TNRC6B: variants seen among roughly 807,000 people sequenced by gnomAD.
The protein encoded by TNRC6B is trinucleotide repeat containing adaptor 6B.
TNRC6B carries 52 observed loss-of-function variants against 203.6 expected under a neutral mutation model. That is an observed-to-expected ratio of 0.26 (90% CI 0.20 to 0.32). The LOEUF (loss-of-function observed/expected upper bound fraction) is 0.32. Among genes scored for constraint, TNRC6B ranks in the 10% least tolerant of loss-of-function variants. TNRC6B has a pLI of 1.00. For missense variants in TNRC6B, 1,923 were observed against 2,286.2 expected (o/e 0.84, Z 3.24); for synonymous variants, 838 against 845.7 (o/e 0.99, Z 0.16).
intron 1 of TNRC6B, among the ~76,000 whole-genome samples, chr22:40,048,676 AC>A (rs2067716303): frequency 6.6e-6 from 1 of 152,052 alleles, no homozygotes; most frequent in African/African-American, 2.4e-5. Context: ...AGTAATATTG[AC>A]TTTTTATGTG....
chr22:40,113,241 G>A (rs1385070210), intron 1 of TNRC6B, among the ~76,000 whole-genome samples: 2 of 152,260 alleles, frequency 1.3e-5, no homozygotes, highest in Admixed American at 6.5e-5. Flanking sequence ...AAGCGTTGAA[G>A]TGAAGTAGGG....
chr22:40,329,915 A>C lies in TNRC6B; in HGVS notation c.*6674A>C, dbSNP rs750746127. ...TAACAAGAAACTGTACATGGCCAGG[A>C]AAAATGGTACTACCTTGGCCAAAGG... is the stretch of plus-strand genomic sequence containing the variant. On this transcript the variant is annotated 3_prime_UTR_variant, in exon 23 of 23. Coordinates refer to ENST00000454349, the MANE Select transcript of TNRC6B (RefSeq NM_001162501.2). 2.0e-5 allele frequency: 3 copies of C among 152,226 alleles called. No individual in the cohort carries two copies. The highest frequency in any genetic ancestry group is 4.4e-5 in the Non-Finnish European group (3 of 68,036). The allele number at this position is 152,226 out of a possible 1,614,324, so 9.4% of individuals were successfully genotyped here.
intron 1 of TNRC6B, among the ~76,000 whole-genome samples, chr22:40,113,748 A>C (rs1245032759): frequency 6.6e-6 from 1 of 152,132 alleles, no homozygotes; most frequent in Non-Finnish European, 1.5e-5. Context: ...ACAGAGCTGG[A>C]TGGGTGGTAC....
chr22:40,232,048 G>C (rs1049970182), intron 1 of TNRC6B, among the ~76,000 whole-genome samples: 3 of 152,196 alleles, frequency 2.0e-5, no homozygotes, highest in Non-Finnish European at 2.9e-5. Context: ...GAGAGGTGGT[G>C]ATGGCAGTTT....
intron 1 of TNRC6B, among the ~76,000 whole-genome samples, chr22:40,220,134 A>G (rs2069688647): frequency 6.6e-6 from 1 of 152,146 alleles, no homozygotes; most frequent in Non-Finnish European, 1.5e-5. Context: ...TCTAGGCAGC[A>G]TTTCAGTGTG....
chr22:40,128,742 C>T (rs1053897338), intron 3 of TNRC6B, among the ~76,000 whole-genome samples: 1 of 151,488 alleles, frequency 6.6e-6, no homozygotes. Context: ...AGGCTGGTCT[C>T]GAACTTCTGG....
rs991037446 is a variant in TNRC6B at position 40,329,666 on chromosome 22, C to A, written c.*6425C>A. 2.6e-5 allele frequency: 4 copies of A among 152,186 alleles called. No homozygotes were observed. The highest frequency in any genetic ancestry group is 5.9e-5 in the Non-Finnish European group (4 of 68,042). 9.4% of individuals were successfully genotyped at this position (152,186 alleles called of 1,614,324 possible). ...AGGGAGTGGAGAGCTACTCCTCCAG[C>A]AGCTCAGCACCCACACTGCCCGCAT... On this transcript the variant is annotated 3_prime_UTR_variant, in exon 23 of 23. Transcript: ENST00000454349.
rs1276200014 is a variant in TNRC6B, at chr22:40,266,977, G to A, written c.2747G>A (p.Gly916Glu). The change falls in exon 5 of 23, where the codon GGG becomes GAG. Residue 916 changes from glycine to glutamate, a missense_variant. By Grantham distance (98) the Gly-to-Glu change is moderately conservative. Coordinates refer to ENST00000454349, the MANE Select transcript of TNRC6B (RefSeq NM_001162501.2). ...NVNLWDKNSQ[G>E]GPAPREPNLP... The stretch of plus-strand genomic sequence containing the variant: ...AATCTGTGGGATAAGAATTCCCAAG[G>A]GGGCCCAGCACCTCGAGAACCAAAC... The A allele has an allele frequency of 1.2e-6, 2 of 1,612,644 alleles. No homozygotes were observed. Among genetic ancestry groups the A allele is most frequent in the African/African-American group, 2.7e-5 (2 of 74,900 alleles).
intron 4 of TNRC6B, among the ~76,000 whole-genome samples, chr22:40,159,002 G>A (rs763366976): frequency 1.3e-5 from 2 of 151,562 alleles, no homozygotes; most frequent in South Asian, 2.1e-4. Flanking sequence ...TCGCTCTGTC[G>A]CCCAGGCTGG....
intron 3 of TNRC6B, among the ~76,000 whole-genome samples, chr22:40,133,772 C>A (rs2146331788): frequency 6.6e-6 from 1 of 151,816 alleles, no homozygotes; most frequent in East Asian, 1.9e-4. Context: ...AGTTCGAGAC[C>A]AGCCTGACCG....
chr22:40,182,452 G>A (rs993321077), intron 1 of TNRC6B, among the ~76,000 whole-genome samples: 3 of 152,156 alleles, frequency 2.0e-5, no homozygotes, highest in East Asian at 1.9e-4. Flanking sequence ...TGATTAAGAC[G>A]GGTGTCAGGG....
chr22:40,278,612 C>T (rs1388055125), intron 9 of TNRC6B, among the ~76,000 whole-genome samples: 3 of 151,858 alleles, frequency 2.0e-5, no homozygotes, highest in Non-Finnish European at 2.9e-5. Context: ...TGTGGAGCGT[C>T]CACCTAGAAG....
rs1230926451 is a variant in TNRC6B, at chr22:40,048,256, T to A, written c.-121+3258T>A. On this transcript the variant is annotated intron_variant, in intron 1 of 23. Coordinates refer to the TNRC6B transcript ENST00000301923. The stretch of plus-strand genomic sequence containing the variant: ...TTACCTAGTGGGTAAATTTCCCACA[T>A]TGGCCGGGCGTGGTGGCTCACGCCT... 2.0e-5 allele frequency among the ~76,000 whole-genome samples: 3 copies of A among 152,212 alleles called. No homozygotes were observed. The East Asian group carries it at 5.8e-4, about 29-fold the overall frequency.
At chr22:40,045,055 G>A (rs1292621084) in intron 1 of TNRC6B, 3 of 146,160 alleles carry the variant, frequency 2.1e-5, no homozygotes, top group South Asian at 2.1e-4. Context: ...CCGCCGGGAC[G>A]GAGCGGGGCG....
chr22:40,163,480 A>AAC (rs568063097), intron 4 of TNRC6B, among the ~76,000 whole-genome samples: 762 of 66,214 alleles, frequency 0.012, 303 homozygotes, highest in African/African-American at 0.049. Flanking sequence ...AAAAAAAAAA[A>AAC]GGCCAGGCAC....
At chr22:40,289,418 C>T (rs879502997) in intron 12 of TNRC6B, among the ~76,000 whole-genome samples, 3 of 152,156 alleles carry the variant, frequency 2.0e-5, no homozygotes, top group East Asian at 1.9e-4. Flanking sequence ...GGTAAGGCAG[C>T]GACAGTGGGA....
At chr22:40,294,314 G>A (rs756433358) in intron 12 of TNRC6B, among the ~76,000 whole-genome samples, 1 of 152,074 alleles carries the variant, frequency 6.6e-6, no homozygotes, top group Non-Finnish European at 1.5e-5. Context: ...AGTTCTGGAG[G>A]CTTTTCAGTC....
chr22:40,199,564 G>A (rs957222047), intron 1 of TNRC6B, among the ~76,000 whole-genome samples: 2 of 152,096 alleles, frequency 1.3e-5, no homozygotes, highest in Non-Finnish European at 2.9e-5. Flanking sequence ...GGTCATGAAA[G>A]TCAAAGCAAG....
chr22:40,177,292 G>T (rs1456927836), upstream of TNRC6B, among the ~76,000 whole-genome samples: 1 of 152,094 alleles, frequency 6.6e-6, no homozygotes, highest in African/African-American at 2.4e-5. Flanking sequence ...TTTGGGTTTG[G>T]GGGAGGAGGT....
Sources: gnomAD v4.1 joint callset for allele counts (sites outside exome capture counted in the v4.1 genomes callset) on GRCh38, gnomAD v4.1.1 for gene constraint, MANE v1.5 for transcripts, NCBI Gene and HGNC (gene_info 2026-07-23, HGNC 2026-07-21) for gene names.